Variants in STXBP5 observed in about 807,000 individuals in gnomAD.
The protein encoded by STXBP5 is syntaxin-binding protein 5.
A neutral mutation model predicts 152.4 loss-of-function variants in STXBP5; 50 were observed. The observed-to-expected ratio is 0.33, with a 90% CI of 0.26 to 0.42. The LOEUF is 0.42. Among genes scored for constraint, STXBP5 ranks in the 10% least tolerant of loss-of-function variants. The pLI is 1.00. For synonymous variants in STXBP5, 492 were observed against 494.7 expected, an observed-to-expected ratio of 0.99 and a Z score of 0.07; for missense variants, 1,167 against 1,388.6, an observed-to-expected ratio of 0.84 and a Z score of 2.54.
intron 23 of STXBP5, among the ~76,000 whole-genome samples, chr6:147,362,991 T>C (rs1785132439): frequency 6.6e-6 from 1 of 152,238 alleles, no homozygotes; most frequent in Admixed American, 6.5e-5. Flanking sequence ...TCCTGCTGAC[T>C]GGTAGTGCAC....
rs1395337555 is a variant in STXBP5 at position 147,390,018 on chromosome 6, C to T, written c.*5263C>T. 1 of 151,904 alleles carries T rather than the reference C, an allele frequency of 6.6e-6. No individual in the cohort carries two copies. The highest frequency in any genetic ancestry group is 1.5e-5 in the Non-Finnish European group (1 of 67,902). 9.4% of individuals were successfully genotyped at this position (151,904 alleles called of 1,614,324 possible). On this transcript the variant is annotated 3_prime_UTR_variant, in exon 28 of 28. Transcript: ENST00000321680. ...TTTCTAACATTGTCCACTTCAGGGGCAAGCATGCTTGGTATAGAGCTCTAG... is the reference window on the plus strand; with the variant it reads ...TTTCTAACATTGTCCACTTCAGGGGTAAGCATGCTTGGTATAGAGCTCTAG...
intron 21 of STXBP5, among the ~76,000 whole-genome samples, chr6:147,346,126 G>A (rs1010630179): frequency 1.3e-5 from 2 of 152,176 alleles, no homozygotes; most frequent in African/African-American, 4.8e-5. Context: ...CAGTTTGAAG[G>A]TCACAATAGA....
intron 6 of STXBP5, among the ~76,000 whole-genome samples, chr6:147,265,592 A>G (rs1779852256): frequency 6.6e-6 from 1 of 152,022 alleles, no homozygotes; most frequent in South Asian, 2.1e-4. Flanking sequence ...TTGCTTATTG[A>G]ATGAAAGGGG....
At chr6:147,234,131 A>G (rs1456441296) in intron 2 of STXBP5, among the ~76,000 whole-genome samples, 1 of 151,800 alleles carries the variant, frequency 6.6e-6, no homozygotes, top group Non-Finnish European at 1.5e-5. Flanking sequence ...TTAATAGAAT[A>G]TAGAAACAGA....
At chr6:147,270,655 T>A (rs1780121003) in intron 7 of STXBP5, among the ~76,000 whole-genome samples, 1 of 152,114 alleles carries the variant, frequency 6.6e-6, no homozygotes, top group Non-Finnish European at 1.5e-5. Context: ...AGACAAATGT[T>A]ATGAGATGGA....
Position 147,363,348 on chromosome 6 carries a change from G to T in STXBP5, c.2559G>T (p.Arg853Ser), listed in dbSNP as rs750530435. ...VIVSPSGTIL[R>S]LKGAILRMAF... is the part of the protein sequence containing the mutation. ...TCTATATTTTAGGTACTATATTGAGGTTAAAAGGTGCAATCTTGAGAATGG... is the reference window on the plus strand; with the variant it reads ...TCTATATTTTAGGTACTATATTGAGTTTAAAAGGTGCAATCTTGAGAATGG... The change falls in exon 24 of 28, where the codon AGG becomes AGT. Residue 853 changes from arginine to serine, a missense_variant. By Grantham distance (110) the Arg-to-Ser change is moderately radical. Around this residue, in one of 3 missense-constraint regions of STXBP5, gnomAD observed 833 missense variants for 986.3 expected, o/e 0.84. Coordinates refer to ENST00000321680, the MANE Select transcript of STXBP5 (RefSeq NM_001127715.4). 1 of 1,597,958 alleles carries T rather than the reference G, an allele frequency of 6.3e-7. No homozygotes were observed. Among genetic ancestry groups the T allele is most frequent in the Non-Finnish European group, 8.5e-7 (1 of 1,174,324 alleles).
At chr6:147,237,923 A>G (rs1473491468) in intron 3 of STXBP5, among the ~76,000 whole-genome samples, 1 of 152,226 alleles carries the variant, frequency 6.6e-6, no homozygotes, top group Non-Finnish European at 1.5e-5. Flanking sequence ...TTCAGTATTG[A>G]TGATAGATTT....
chr6:147,314,194 C>CAA, intron 12 of STXBP5, 70 bp from the exon 13 acceptor site: 1 of 1,392,500 alleles, frequency 7.2e-7, no homozygotes, highest in South Asian at 1.2e-5. Context: ...CACACACACA[C>CAA]ACACACACAC....
chr6:147,215,784 C>T (rs948819258), intron 2 of STXBP5, among the ~76,000 whole-genome samples: 3 of 151,946 alleles, frequency 2.0e-5, no homozygotes, highest in African/African-American at 7.3e-5. Context: ...TGTGTTATCT[C>T]TGGAATTATG....
intron 26 of STXBP5, among the ~76,000 whole-genome samples, chr6:147,382,248 GA>G (rs1338932377): frequency 2.6e-5 from 4 of 152,028 alleles, no homozygotes; most frequent in Non-Finnish European, 4.4e-5. Context: ...TGGAGAAAAA[GA>G]AAAGAATATA....
At chr6:147,286,554 ATGAT>A (rs1780971576) in intron 8 of STXBP5, among the ~76,000 whole-genome samples, 1 of 152,194 alleles carries the variant, frequency 6.6e-6, no homozygotes. Flanking sequence ...TAGCACTCAG[ATGAT>A]TGATAGCTTA....
At chr6:147,346,608 C>T (rs1333200781) in intron 21 of STXBP5, among the ~76,000 whole-genome samples, 1 of 151,886 alleles carries the variant, frequency 6.6e-6, no homozygotes, top group Non-Finnish European at 1.5e-5. Context: ...GGCATGGTGG[C>T]GGGCGCCTGT....
intron 8 of STXBP5, among the ~76,000 whole-genome samples, chr6:147,287,492 G>A (rs141816137): frequency 0.024 from 3,663 of 152,164 alleles, 122 homozygotes; most frequent in African/African-American, 0.083. Context: ...GTGAGCCACC[G>A]CGCCCGGCCT....
chr6:147,278,156 T>C lies in STXBP5; in HGVS notation c.790T>C (p.Trp264Arg), dbSNP rs1780534935. The change falls in exon 8 of 28, where the codon TGG (tryptophan) becomes CGG (arginine). Residue 264 changes from tryptophan to arginine, a missense_variant. Physicochemically the swap from Trp to Arg is moderately radical, Grantham distance 101. Around this residue, in one of 3 missense-constraint regions of STXBP5, gnomAD observed 310 missense variants for 346.1 expected, o/e 0.90. Coordinates refer to ENST00000321680, the MANE Select transcript of STXBP5 (RefSeq NM_001127715.4). The part of the protein sequence containing the change: ...CSHSDGTLTI[W>R]NVRSPAKPVQ... The stretch of plus-strand genomic sequence containing the variant: ...TCATTCAGATGGCACCTTGACTATA[T>C]GGAATGTAAGGTCCCCTGCTAAACC... 6.2e-7 allele frequency: 1 copy of C among 1,612,998 alleles called. No individual in the cohort carries two copies. The highest frequency in any genetic ancestry group is 8.5e-7 in the Non-Finnish European group (1 of 1,179,274).
At chr6:147,379,962 A>G (rs2128422243) in intron 26 of STXBP5, among the ~76,000 whole-genome samples, 1 of 152,256 alleles carries the variant, frequency 6.6e-6, no homozygotes, top group African/African-American at 2.4e-5. Flanking sequence ...AAAAACTTCA[A>G]AATATCATTT....
Position 147,278,351 on chromosome 6 carries a change from A to G in STXBP5, c.838+147A>G, listed in dbSNP as rs1780544254. The stretch of plus-strand genomic sequence containing the variant: ...TAGGGAATTAAAAATATTTACACTT[A>G]TAGAAATAGTATCTAACAACCAGTT... On this transcript the variant is annotated intron_variant, in intron 8 of 27. Coordinates refer to ENST00000321680, the MANE Select transcript of STXBP5 (RefSeq NM_001127715.4). The G allele has an allele frequency of 5.0e-6, 4 of 799,750 alleles. No homozygotes were observed. In the East Asian group the frequency reaches 1.3e-4, roughly 25 times the overall value. 49.5% of individuals were successfully genotyped at this position (799,750 alleles called of 1,614,324 possible).
At chr6:147,332,219 C>G (rs1783609634) in intron 18 of STXBP5, among the ~76,000 whole-genome samples, 1 of 152,182 alleles carries the variant, frequency 6.6e-6, no homozygotes, top group Non-Finnish European at 1.5e-5. Context: ...ACTGAGGCTT[C>G]CATGTGCTAT....
intron 2 of STXBP5, among the ~76,000 whole-genome samples, chr6:147,216,166 C>T (rs767957836): frequency 6.6e-6 from 1 of 152,028 alleles, no homozygotes; most frequent in Non-Finnish European, 1.5e-5. Context: ...CTGAGGCAGG[C>T]GGATCACTTG....
intron 4 of STXBP5, 92 bp downstream of exon 4, chr6:147,239,362 T>C: frequency 9.5e-7 from 1 of 1,051,192 alleles, no homozygotes; most frequent in Admixed American, 2.3e-5. Context: ...TGATGGACCT[T>C]ATGCACAATC....
Sources: gnomAD v4.1 joint callset for allele counts (sites outside exome capture counted in the v4.1 genomes callset) on GRCh38, gnomAD v4.1.1 for gene constraint, gnomAD v4.1.1 regional missense constraint, MANE v1.5 for transcripts, NCBI Gene and HGNC (gene_info 2026-07-23, HGNC 2026-07-21) for gene names.